The following PCMTD1 variants were observed in gnomAD, a reference collection of about 807,000 sequenced individuals.
The protein encoded by PCMTD1 is protein-L-isoaspartate (D-aspartate) O-methyltransferase domain containing 1.
Under a neutral mutation model 37.6 loss-of-function variants are expected in PCMTD1, and 12 were observed. That is an observed-to-expected ratio of 0.32 (90% confidence interval 0.20 to 0.52). PCMTD1 has a LOEUF of 0.52. Ranked by LOEUF, PCMTD1 falls within the 20% of genes least tolerant of loss-of-function variation. The pLI, the probability that PCMTD1 is intolerant of heterozygous loss-of-function variation, is 0.97. For missense variants in PCMTD1, 235 were observed against 421.3 expected (o/e 0.56, Z 3.87); for synonymous variants, 117 against 135.8 (o/e 0.86, Z 0.96).
chr8:51,840,448 G>A (rs560976931), intron 3 of PCMTD1, among the ~76,000 whole-genome samples: 1 of 152,126 alleles, frequency 6.6e-6, no homozygotes, highest in Non-Finnish European at 1.5e-5. Context: ...TTACATATCT[G>A]TCATAACTTT....
rs747308230 is a variant in PCMTD1, at chr8:51,820,501, C to T, written c.924G>A (p.Met308Ile). The stretch of plus-strand genomic sequence containing the variant: ...CCTCCTCTTCTTTGTTATCCTCTTC[C>T]ATTTTTTCATCCTCTTCACTGTCTA... ...QPLDSEEDEK[M>I]EEDNKEEEEK... The change falls in exon 6 of 6, where the codon ATG becomes ATA. Residue 308 changes from methionine to isoleucine, a missense_variant. Around this residue, in one of 3 missense-constraint regions of PCMTD1, gnomAD observed 41 missense variants for 36.4 expected, o/e 1.13. Coordinates refer to ENST00000522514, the MANE Select transcript of PCMTD1 (RefSeq NM_052937.4). The T allele has an allele frequency of 6.2e-7, 1 of 1,613,848 alleles. No homozygotes were observed. The highest frequency in any genetic ancestry group is 8.5e-7 in the Non-Finnish European group (1 of 1,179,900).
At chr8:51,822,682 A>G (rs1325760247) in intron 5 of PCMTD1, among the ~76,000 whole-genome samples, 1 of 152,198 alleles carries the variant, frequency 6.6e-6, no homozygotes, top group Non-Finnish European at 1.5e-5. Flanking sequence ...ATAAGCCACC[A>G]TAAGATTATG....
At chr8:51,873,675 T>C (rs148055038) in intron 1 of PCMTD1, among the ~76,000 whole-genome samples, 16 of 152,214 alleles carry the variant, frequency 1.1e-4, no homozygotes, top group African/African-American at 3.9e-4. Context: ...TCTCCTGCGA[T>C]ACGGTATTTT....
Position 51,820,669 on chromosome 8 carries a change from T to C in PCMTD1, c.756A>G (p.Arg252=), listed in dbSNP as rs761006916. The C allele has an allele frequency of 3.1e-6, 5 of 1,613,708 alleles. No homozygotes were observed. The South Asian group carries it at 5.5e-5, about 18-fold the overall frequency. The change falls in exon 6 of 6, where the codon CGA becomes CGG. Residue 252 remains arginine (R), a synonymous_variant. Coordinates refer to ENST00000522514, the MANE Select transcript of PCMTD1 (RefSeq NM_052937.4). Reference sequence around the variant, plus strand: ...CATTTATGAAATTTCTAAGTGTGCGTCGAATGTAAATACGAGCCAAGTCCT... The same window carrying C: ...CATTTATGAAATTTCTAAGTGTGCGCCGAATGTAAATACGAGCCAAGTCCT... ...NLQDLARIYI[R]RTLRNFINDE...
intron 2 of PCMTD1, among the ~76,000 whole-genome samples, chr8:51,848,010 GGTA>G (rs1205580273): frequency 4.6e-4 from 70 of 152,232 alleles, no homozygotes; most frequent in African/African-American, 1.6e-3. Context: ...GAGACCAGGA[GGTA>G]GAAGCTGCAG....
chr8:51,820,480 CTCT>C lies in PCMTD1; in HGVS notation c.942_944del (p.Glu317del), dbSNP rs769026745. 3.8e-5 allele frequency: 62 copies of C among 1,613,780 alleles called. No individual in the cohort carries two copies. The East Asian group carries it at 1.1e-3, about 30-fold the overall frequency. On this transcript the variant is annotated inframe_deletion, in exon 6 of 6. Transcript: ENST00000522514. The stretch of plus-strand genomic sequence containing the variant: ...TTGCTTCATTGTGATCTTTTTCCTC[CTCT>C]TCTTTGTTATCCTCTTCCATTTTTT...
Position 51,820,230 on chromosome 8 carries a change from A to AT in PCMTD1, c.*120dup, listed in dbSNP as rs35705942. 653,503 of 783,230 alleles carry AT rather than the reference A, an allele frequency of 0.83. 272,254 individuals carry two copies. The highest frequency in any genetic ancestry group is 0.9 in the Admixed American group (23,359 of 26,088). The allele number at this position is 783,230 out of a possible 1,614,324, so 48.5% of individuals were successfully genotyped here. A position where few individuals can be genotyped will look rare whatever the true frequency, so the allele number is the denominator to read the frequency against. Reference sequence around the variant, plus strand: ...TTTGTGTTACTGACAGAAACAAGTGATTTTTTTTCCACTATAATTTGCTCT... The same window carrying AT: ...TTTGTGTTACTGACAGAAACAAGTGATTTTTTTTTCCACTATAATTTGCTCT... On this transcript the variant is annotated 3_prime_UTR_variant, in exon 6 of 6. Transcript: ENST00000522514.
At chr8:51,826,697 T>C (rs557215974) in intron 5 of PCMTD1, among the ~76,000 whole-genome samples, 73 of 152,192 alleles carry the variant, frequency 4.8e-4, no homozygotes, top group African/African-American at 1.3e-3. Context: ...CGTTGAACCA[T>C]ATAAAACTAA....
intron 1 of PCMTD1, among the ~76,000 whole-genome samples, chr8:51,893,538 A>G (rs2038962933): frequency 6.6e-6 from 1 of 152,212 alleles, no homozygotes; most frequent in Non-Finnish European, 1.5e-5. Context: ...AAGAAACTGT[A>G]AGATCAGAGA....
upstream of PCMTD1, chr8:51,899,183 A>T (rs1357893756): frequency 7.9e-7 from 1 of 1,265,192 alleles, no homozygotes; most frequent in Non-Finnish European, 1.0e-6. Context: ...AGACGCCCCC[A>T]TCTGGCCCCG....
At position 51,820,582 on chromosome 8, in the gene PCMTD1, A is replaced by G. The variant is rs776601590; in HGVS notation, c.843T>C (p.Val281=). The change falls in exon 6 of 6, where the codon GTT becomes GTC. Residue 281 remains valine (V), a synonymous_variant. Coordinates refer to ENST00000522514, the MANE Select transcript of PCMTD1 (RefSeq NM_052937.4). ...ATACGTAAGTGTTAATTCTCTGTTT[A>G]ACTCTCTTTCTTTTCCTTTTGGGTG... ...RAPPKRKRKR[V]KQRINTYVFV... 6 of 1,612,758 alleles carry G rather than the reference A, an allele frequency of 3.7e-6. No individual in the cohort carries two copies. In the South Asian group the frequency reaches 6.6e-5, roughly 18 times the overall value.
intron 1 of PCMTD1, among the ~76,000 whole-genome samples, chr8:51,883,227 T>C (rs1563361970): frequency 6.6e-6 from 1 of 152,136 alleles, no homozygotes; most frequent in Non-Finnish European, 1.5e-5. Flanking sequence ...CTAGATGGAA[T>C]AAAACCTATG....
chr8:51,851,838 C>T (rs970383390), intron 2 of PCMTD1, among the ~76,000 whole-genome samples: 2 of 151,948 alleles, frequency 1.3e-5, no homozygotes, highest in South Asian at 2.1e-4. Flanking sequence ...TTAGTAGGCA[C>T]GGGGTTTCTC....
chr8:51,886,668 T>C (rs771002470), intron 1 of PCMTD1, among the ~76,000 whole-genome samples: 1 of 152,216 alleles, frequency 6.6e-6, no homozygotes, highest in African/African-American at 2.4e-5. Context: ...AAATGTCATC[T>C]TAATCTTTTG....
intron 3 of PCMTD1, among the ~76,000 whole-genome samples, chr8:51,833,999 C>T (rs1446455651): frequency 1.3e-5 from 2 of 151,970 alleles, no homozygotes; most frequent in African/African-American, 4.8e-5. Flanking sequence ...TGTGACACCC[C>T]CCAAAATAAC....
At chr8:51,867,740 CACTCATGTGGAACCTAAAATGGTTAA>C (rs1199025848) in intron 1 of PCMTD1, among the ~76,000 whole-genome samples, 1 of 151,902 alleles carries the variant, frequency 6.6e-6, no homozygotes, top group African/African-American at 2.4e-5. Context: ...TACATGATCT[CACTCATGTGGAACCTAAAATGGTTAA>C]ACTTACAAAA....
intron 2 of PCMTD1, among the ~76,000 whole-genome samples, chr8:51,859,227 A>G (rs1020009843): frequency 2.0e-5 from 3 of 152,096 alleles, no homozygotes; most frequent in Admixed American, 1.3e-4. Context: ...GTTCAAGGAC[A>G]GCAATTCCCC....
At chr8:51,856,497 C>CT (rs1414366620) in intron 2 of PCMTD1, among the ~76,000 whole-genome samples, 1 of 152,228 alleles carries the variant, frequency 6.6e-6, no homozygotes, top group South Asian at 2.1e-4. Context: ...CAATTCTACT[C>CT]TTTAAGAATC....
rs1585826138 is a variant in PCMTD1, at chr8:51,861,168, A to G, written c.-17T>C. On this transcript the variant is annotated 5_prime_UTR_variant, in exon 2 of 6. Transcript: ENST00000522514. ...TCCTCCCATGATAGTATTCAAATCA[A>G]ATCATAAATTTAAAAGTGAAATAAA... 7 of 1,557,144 alleles carry G rather than the reference A, an allele frequency of 4.5e-6. No individual in the cohort carries two copies. In the East Asian group the frequency reaches 1.6e-4, roughly 35 times the overall value.
Sources: gnomAD v4.1 joint callset for allele counts (sites outside exome capture counted in the v4.1 genomes callset) on GRCh38, gnomAD v4.1.1 for gene constraint, gnomAD v4.1.1 regional missense constraint, MANE v1.5 for transcripts, NCBI Gene and HGNC (gene_info 2026-07-23, HGNC 2026-07-21) for gene names.